SFRP4: variants seen among roughly 807,000 people sequenced by gnomAD.
The protein encoded by SFRP4 is secreted frizzled related protein 4.
Under a neutral mutation model 36.3 loss-of-function variants are expected in SFRP4, and 25 were observed. The ratio of observed to expected loss-of-function variants is 0.69; its 90% CI spans 0.50 to 0.96. The LOEUF (loss-of-function observed/expected upper bound fraction) is 0.96. Ranked by LOEUF, SFRP4 falls within the 40% of genes least tolerant of loss-of-function variation. The pLI, the probability that SFRP4 is intolerant of heterozygous loss-of-function variation, is 0.00. For synonymous variants in SFRP4, 182 were observed against 168.8 expected (o/e 1.08, Z -0.60); for missense variants, 487 against 459.6 (o/e 1.06, Z -0.54).
rs1312199744 is a variant in SFRP4 at position 37,907,007 on chromosome 7, C to T, written c.*472G>A. The T allele has an allele frequency of 6.6e-6, 1 of 152,428 alleles. No homozygotes were observed. Among genetic ancestry groups the T allele is most frequent in the Non-Finnish European group, 1.5e-5 (1 of 68,234 alleles). 9.4% of individuals were successfully genotyped at this position (152,428 alleles called of 1,614,324 possible). A position where few individuals can be genotyped will look rare whatever the true frequency, so the allele number is the denominator to read the frequency against. ...GATCTTTTAGACATTCATTCCACTA[C>T]TGTTCCTTCTTAGAAGCATTATATT... On this transcript the variant is annotated 3_prime_UTR_variant, in exon 6 of 6. Coordinates refer to ENST00000436072, the MANE Select transcript of SFRP4 (RefSeq NM_003014.4).
At position 37,916,512 on chromosome 7, in the gene SFRP4, A is replaced by C. The variant is rs757039656; in HGVS notation, c.26T>G (p.Leu9Arg). 1.2e-6 allele frequency: 2 copies of C among 1,610,718 alleles called. No homozygotes were observed. Among genetic ancestry groups the C allele is most frequent in the Admixed American group, 3.3e-5 (2 of 59,980 alleles). Residue 9 changes from leucine to arginine, a missense_variant, in exon 1 of 6, where the codon CTG becomes CGG. Physicochemically the swap from Leu to Arg is moderately radical, Grantham distance 102 (BLOSUM62 -2). Transcript: ENST00000436072. The surrounding 1 kb of genome is among the most constrained non-coding windows in gnomAD (Gnocchi z 4.1). ...CAGCGCCAGGTGCAGCCACAGGCAC[A>C]GCGCCACTAGGATGGAGAGGAACAT... Reference protein sequence around the residue: MFLSILVALCLWLHLALGV... With the variant: MFLSILVARCLWLHLALGV...
chr7:37,914,438 T>C lies in SFRP4; in HGVS notation c.461A>G (p.Asp154Gly), dbSNP rs763627035. 4.3e-6 allele frequency: 7 copies of C among 1,613,746 alleles called. No homozygotes were observed. Among genetic ancestry groups the C allele is most frequent in the Non-Finnish European group, 5.9e-6 (7 of 1,179,582 alleles). The stretch of plus-strand genomic sequence containing the variant: ...CTGTACCATCATGTCTGGTGTGATG[T>C]CTATCCACTTAACATCTGAAACACA... ...TDLPEDVKWI[D>G]ITPDMMVQER... The change falls in exon 2 of 6, where the codon GAC (aspartate) becomes GGC (glycine). Residue 154 changes from aspartate to glycine, a missense_variant. Asp to Gly is a moderately conservative substitution (Grantham distance 94, BLOSUM62 -1). Coordinates refer to ENST00000436072, the MANE Select transcript of SFRP4 (RefSeq NM_003014.4).
chr7:37,909,420 C>T (rs17171203), intron 5 of SFRP4, among the ~76,000 whole-genome samples, 197 bp downstream of exon 5: 1,793 of 152,206 alleles, frequency 0.012, 41 homozygotes, highest in African/African-American at 0.04. Flanking sequence ...CCTTTGAAGT[C>T]GAATGATAGA....
Position 37,916,297 on chromosome 7 carries a change from A to T in SFRP4, c.241T>A (p.Tyr81Asn). 1 of 1,614,224 alleles carries T rather than the reference A, an allele frequency of 6.2e-7. No individual in the cohort carries two copies. The highest frequency in any genetic ancestry group is 8.5e-7 in the Non-Finnish European group (1 of 1,180,036). ...AVLRFFLCAM[Y>N]APICTLEFLH... is the part of the protein sequence containing the mutation. ...AACTCCAGGGTGCAAATGGGCGCGT[A>T]CATGGCACAGAGGAAGAAGCGCAGC... Residue 81 changes from tyrosine (Y) to asparagine (N), a missense_variant, in exon 1 of 6, where the codon TAC becomes AAC. Transcript: ENST00000436072. The surrounding 1 kb of genome is among the most constrained non-coding windows in gnomAD (Gnocchi z 4.1).
rs906794864 is a variant in SFRP4 at position 37,906,268 on chromosome 7, G to A, written c.*1211C>T. 3 of 152,104 alleles carry A rather than the reference G, an allele frequency of 2.0e-5. No homozygotes were observed. The highest frequency in any genetic ancestry group is 4.4e-5 in the Non-Finnish European group (3 of 68,020). 9.4% of individuals were successfully genotyped at this position (152,104 alleles called of 1,614,324 possible). A position where few individuals can be genotyped will look rare whatever the true frequency, so the allele number is the denominator to read the frequency against. Reference sequence around the variant, plus strand: ...TTAGATAGGATTTTATTTCCTTTGGGCGTTGTGCATTTATTGAATGCCTTA... The same window carrying A: ...TTAGATAGGATTTTATTTCCTTTGGACGTTGTGCATTTATTGAATGCCTTA... On this transcript the variant is annotated 3_prime_UTR_variant, in exon 6 of 6. Coordinates refer to ENST00000436072, the MANE Select transcript of SFRP4 (RefSeq NM_003014.4).
Position 37,916,760 on chromosome 7 carries a change from G to C in SFRP4, c.-223C>G. ...CGAGCAGCGCCAGCTCTCAGCCTTC[G>C]GGGCGCGAACCCGCCCGGGCAGCTC... On this transcript the variant is annotated 5_prime_UTR_variant, in exon 1 of 6. Coordinates refer to ENST00000436072, the MANE Select transcript of SFRP4 (RefSeq NM_003014.4). This position sits in a 1 kb window ranked among gnomAD's most constrained non-coding sequence, Gnocchi z 4.1. 2.9e-6 allele frequency: 2 copies of C among 688,238 alleles called. No homozygotes were observed. Among genetic ancestry groups the C allele is most frequent in the South Asian group, 1.9e-5 (1 of 51,618 alleles). 42.6% of individuals were successfully genotyped at this position (688,238 alleles called of 1,614,324 possible).
Position 37,916,129 on chromosome 7 carries a change from T to C in SFRP4, c.409A>G (p.Ile137Val). 2 of 1,613,928 alleles carry C rather than the reference T, an allele frequency of 1.2e-6. No individual in the cohort carries two copies. The highest frequency in any genetic ancestry group is 1.7e-6 in the Non-Finnish European group (2 of 1,179,976). ...ELPVYDRGVCISPEAIVTDLP... is the reference protein window; with the variant it reads ...ELPVYDRGVCVSPEAIVTDLP... ...TCCGTGACGATGGCTTCAGGCGAGA[T>C]GCACACGCCACGGTCATAGACAGGC... The change falls in exon 1 of 6, where the codon ATC becomes GTC. Residue 137 changes from isoleucine (I) to valine (V), a missense_variant. Transcript: ENST00000436072. This position sits in a 1 kb window ranked among gnomAD's most constrained non-coding sequence, Gnocchi z 4.1.
intron 4 of SFRP4, among the ~76,000 whole-genome samples, 156 bp downstream of exon 4, chr7:37,911,963 T>C (rs955876193): frequency 8.9e-6 from 1 of 112,606 alleles, no homozygotes; most frequent in Non-Finnish European, 2.0e-5. Flanking sequence ...AATTAATTGA[T>C]AGAATATATG....
chr7:37,912,289 C>A lies in SFRP4; in HGVS notation c.621G>T (p.Gln207His). 2.5e-6 allele frequency: 4 copies of A among 1,614,078 alleles called. No homozygotes were observed. The highest frequency in any genetic ancestry group is 1.6e-4 in the Middle Eastern group (1 of 6,062). ...YVIHAKIKAV[Q>H]RSGCNEVTTV... Reference sequence around the variant, plus strand: ...TTGTGACCTCATTGCAGCCACTCCTCTGCACAGCTTTTATTTTGGCATGAA... The same window carrying A: ...TTGTGACCTCATTGCAGCCACTCCTATGCACAGCTTTTATTTTGGCATGAA... Residue 207 changes from glutamine (Q) to histidine (H), a missense_variant, in exon 4 of 6, where the codon CAG becomes CAT. Gln to His is a conservative substitution (Grantham distance 24). Transcript: ENST00000436072.
chr7:37,908,089 T>G (rs188475215), intron 5 of SFRP4, among the ~76,000 whole-genome samples: 2 of 152,320 alleles, frequency 1.3e-5, no homozygotes, highest in East Asian at 3.9e-4. Flanking sequence ...AGGCTCTTAT[T>G]TCATGGCTAC....
chr7:37,914,383 G>C lies in SFRP4; in HGVS notation c.516C>G (p.Arg172=), dbSNP rs760471366. ...QERPLDVDCK[R]LSPDRCKCKK... Reference sequence around the variant, plus strand: ...GAAGAAAGAACTCACCGGGGCTTAGGCGTTTACAGTCAACATCAAGAGGCC... The same window carrying C: ...GAAGAAAGAACTCACCGGGGCTTAGCCGTTTACAGTCAACATCAAGAGGCC... Residue 172 remains arginine (R), a synonymous_variant, in exon 2 of 6, where the codon CGC becomes CGG. Coordinates refer to ENST00000436072, the MANE Select transcript of SFRP4 (RefSeq NM_003014.4). 6.2e-7 allele frequency: 1 copy of C among 1,613,644 alleles called. No homozygotes were observed. Among genetic ancestry groups the C allele is most frequent in the Non-Finnish European group, 8.5e-7 (1 of 1,179,542 alleles).
chr7:37,913,024 A>T (rs1785519177), intron 3 of SFRP4, among the ~76,000 whole-genome samples: 1 of 152,218 alleles, frequency 6.6e-6, no homozygotes, highest in South Asian at 2.1e-4. Context: ...ACTTGAATAC[A>T]AAATGGTTTC....
intron 5 of SFRP4, 143 bp downstream of exon 5, chr7:37,909,474 G>T (rs966110191): frequency 2.1e-6 from 1 of 474,660 alleles, no homozygotes; most frequent in Non-Finnish European, 3.8e-6. Context: ...ACTCTTAACG[G>T]CCTATTCAAA....
At chr7:37,914,939 T>A (rs1785550169) in intron 1 of SFRP4, among the ~76,000 whole-genome samples, 1 of 152,224 alleles carries the variant, frequency 6.6e-6, no homozygotes, top group African/African-American at 2.4e-5. Context: ...CCTTTCATAA[T>A]GATATCCAGG....
At chr7:37,909,355 A>G (rs1266588059) in intron 5 of SFRP4, among the ~76,000 whole-genome samples, 2 of 152,202 alleles carry the variant, frequency 1.3e-5, no homozygotes, top group African/African-American at 4.8e-5. Flanking sequence ...AAGAAACAAA[A>G]GGCTCATTTA....
chr7:37,915,893 G>A (rs898415509), intron 1 of SFRP4, among the ~76,000 whole-genome samples, 200 bp downstream of exon 1: 2 of 151,712 alleles, frequency 1.3e-5, no homozygotes, highest in African/African-American at 4.8e-5. Context: ...TCTTTATGGG[G>A]TGCAGTGCTC....
intron 1 of SFRP4, 106 bp downstream of exon 1, chr7:37,915,987 A>G: frequency 6.7e-7 from 1 of 1,482,988 alleles, no homozygotes; most frequent in Non-Finnish European, 9.0e-7. Flanking sequence ...ACCTCCTACA[A>G]GCCTCAGACG....
In SFRP4 at chr7:37,907,134, T is replaced by C. The variant is rs566910676; in HGVS notation, c.*345A>G. 5.7e-6 allele frequency: 1 copy of C among 174,976 alleles called. No homozygotes were observed. Among genetic ancestry groups the C allele is most frequent in the African/African-American group, 2.4e-5 (1 of 42,522 alleles). The allele number at this position is 174,976 out of a possible 1,614,324, so 10.8% of individuals were successfully genotyped here. On this transcript the variant is annotated 3_prime_UTR_variant, in exon 6 of 6. Transcript: ENST00000436072. ...TACGTGTTTTGTTTGAAATATGGCA[T>C]TTATTTTACAATGCACATATTAGGT...
chr7:37,914,716 T>A (rs1009205656), intron 1 of SFRP4, among the ~76,000 whole-genome samples: 1 of 152,020 alleles, frequency 6.6e-6, no homozygotes, highest in Admixed American at 6.6e-5. Context: ...AATACAAAAA[T>A]TAGCCAGGCA....
Sources: gnomAD v4.1 joint callset for allele counts (sites outside exome capture counted in the v4.1 genomes callset) on GRCh38, gnomAD v4.1.1 for gene constraint, Gnocchi (gnomAD v3.1) non-coding constraint, MANE v1.5 for transcripts, NCBI Gene and HGNC (gene_info 2026-07-23, HGNC 2026-07-21) for gene names.